BAG4: variants seen among roughly 807,000 people sequenced by gnomAD.
The protein encoded by BAG4 is BAG family molecular chaperone regulator 4.
BAG4 carries 28 observed loss-of-function variants against 52.1 expected under a neutral mutation model. That is an observed-to-expected ratio of 0.54 (90% CI 0.40 to 0.74). The LOEUF (loss-of-function observed/expected upper bound fraction) is 0.74. Ranked by LOEUF, BAG4 falls within the 30% of genes least tolerant of loss-of-function variation. The pLI is 0.00. For synonymous variants in BAG4, 208 were observed against 217.0 expected (o/e 0.96, Z 0.37); for missense variants, 525 against 572.0 (o/e 0.92, Z 0.84).
intron 2 of BAG4, among the ~76,000 whole-genome samples, chr8:38,197,664 A>T (rs1170398304): frequency 3.3e-5 from 5 of 152,168 alleles, no homozygotes; most frequent in Non-Finnish European, 7.3e-5. Flanking sequence ...TTCTTCAATA[A>T]ATACTGTAAC....
At chr8:38,196,516 G>A (rs772377708) in intron 2 of BAG4, among the ~76,000 whole-genome samples, 1 of 152,062 alleles carries the variant, frequency 6.6e-6, no homozygotes, top group Non-Finnish European at 1.5e-5. Flanking sequence ...AGCCGGGCGT[G>A]GTGGCGGGCA....
chr8:38,205,959 A>G (rs1563285185), intron 2 of BAG4, among the ~76,000 whole-genome samples: 2 of 147,340 alleles, frequency 1.4e-5, no homozygotes, highest in Non-Finnish European at 3.0e-5. Context: ...GTTTGACTAT[A>G]TTCCTGAGGC....
chr8:38,205,741 G>T (rs1003552740), intron 2 of BAG4, among the ~76,000 whole-genome samples: 1 of 152,002 alleles, frequency 6.6e-6, no homozygotes, highest in Non-Finnish European at 1.5e-5. Flanking sequence ...GAATTCTTTG[G>T]TCATGGGTAT....
chr8:38,176,862 C>T lies in BAG4; in HGVS notation c.-8C>T, dbSNP rs1237379630. On this transcript the variant is annotated 5_prime_UTR_variant, in exon 1 of 5. Transcript: ENST00000287322. ...CGGGGCGGGAAGCGCTTCAGGGCAG[C>T]GGATCCCATGTCGGCCCTGAGGCGC... 5.3e-6 allele frequency: 8 copies of T among 1,497,018 alleles called. No homozygotes were observed. Among genetic ancestry groups the T allele is most frequent in the East Asian group, 5.1e-5 (2 of 39,274 alleles). The allele number at this position is 1,497,018 out of a possible 1,614,324, so 92.7% of individuals were successfully genotyped here.
intron 2 of BAG4, chr8:38,201,936 T>C (rs190824812): frequency 9.9e-4 from 135 of 136,348 alleles, no homozygotes; most frequent in African/African-American, 3.4e-3. Context: ...TGCTAAGGTG[T>C]CTGACCAATC....
chr8:38,181,886 C>CAAAAAAAAAAAAA (rs34268146), intron 1 of BAG4, among the ~76,000 whole-genome samples: 1 of 37,246 alleles, frequency 2.7e-5, no homozygotes. Context: ...GAGACTATCT[C>CAAAAAAAAAAAAA]AAAAAAAAAA....
At chr8:38,178,087 A>G (rs1563277933) in intron 1 of BAG4, among the ~76,000 whole-genome samples, 1 of 152,156 alleles carries the variant, frequency 6.6e-6, no homozygotes, top group Non-Finnish European at 1.5e-5. Context: ...GTATGTTCAC[A>G]TAAAGCTTGT....
chr8:38,180,522 CAAAA>C (rs1161178024), intron 1 of BAG4, among the ~76,000 whole-genome samples: 269 of 26,474 alleles, frequency 0.01, 2 homozygotes, highest in African/African-American at 0.034. Context: ...GACTCCGTCT[CAAAA>C]AAAAAAAAAA....
intron 2 of BAG4, among the ~76,000 whole-genome samples, chr8:38,194,226 G>C (rs1044533181): frequency 6.6e-6 from 1 of 151,818 alleles, no homozygotes; most frequent in African/African-American, 2.4e-5. Flanking sequence ...ACTTGCCTGT[G>C]TATCCATAAA....
intron 1 of BAG4, among the ~76,000 whole-genome samples, chr8:38,178,211 A>C (rs1402797541): frequency 6.7e-6 from 1 of 148,644 alleles, no homozygotes; most frequent in African/African-American, 2.5e-5. Context: ...GCTGGAGTGC[A>C]GTGGTGCCAT....
In BAG4 at chr8:38,210,423, G is replaced by A; in HGVS notation, c.1304G>A (p.Arg435Gln). 1.9e-6 allele frequency: 3 copies of A among 1,608,882 alleles called. No individual in the cohort carries two copies. Among genetic ancestry groups the A allele is most frequent in the Non-Finnish European group, 2.5e-6 (3 of 1,178,720 alleles). ...GAAACTGGGGGCCAGGACTCTGTAC[G>A]GCAGGCCAGAAAAGAGGCTGTTTGT... Reference protein sequence around the residue: ...SVETGGQDSVRQARKEAVCKI... With the variant: ...SVETGGQDSVQQARKEAVCKI... The change falls in exon 5 of 5, where the codon CGG becomes CAG. Residue 435 changes from arginine to glutamine, a missense_variant. Transcript: ENST00000287322.
At chr8:38,200,591 ATTTTCTTT>A (rs2130683564) in intron 2 of BAG4, among the ~76,000 whole-genome samples, 1 of 150,094 alleles carries the variant, frequency 6.7e-6, no homozygotes, top group African/African-American at 2.5e-5. Context: ...GGCAGCTGAG[ATTTTCTTT>A]TTTTCTTTTT....
intron 2 of BAG4, among the ~76,000 whole-genome samples, chr8:38,205,921 C>CTT (rs869059707): frequency 1.4e-5 from 2 of 138,364 alleles, no homozygotes; most frequent in Non-Finnish European, 1.6e-5. Context: ...TTAAAAATTA[C>CTT]TTTTTTTTTT....
At chr8:38,188,099 T>TAAAGA (rs1423605956) in intron 1 of BAG4, among the ~76,000 whole-genome samples, 1 of 142,982 alleles carries the variant, frequency 7.0e-6, no homozygotes, top group Non-Finnish European at 1.5e-5. Context: ...GAGTAACTGC[T>TAAAGA]AAAGAAAAAA....
rs533092575 is a variant in BAG4 at position 38,205,477 on chromosome 8, C to T, written c.379-2035C>T. Reference sequence around the variant, plus strand: ...TTTTGTGTGATTGTAAATAATGCTGCGATGAAGAACTTCATGTCTATAACT... The same window carrying T: ...TTTTGTGTGATTGTAAATAATGCTGTGATGAAGAACTTCATGTCTATAACT... On this transcript the variant is annotated intron_variant, in intron 2 of 4. Coordinates refer to ENST00000287322, the MANE Select transcript of BAG4 (RefSeq NM_004874.4). Among the ~76,000 whole-genome samples, 31 of 152,120 alleles carry T rather than the reference C, an allele frequency of 2.0e-4. 3 individuals carry two copies. In the South Asian group the frequency reaches 6.4e-3, roughly 32 times the overall value.
In BAG4 at chr8:38,211,527, T is replaced by G. The variant is rs1175130902; in HGVS notation, c.*1034T>G. On this transcript the variant is annotated 3_prime_UTR_variant, in exon 5 of 5. Coordinates refer to ENST00000287322, the MANE Select transcript of BAG4 (RefSeq NM_004874.4). Reference sequence around the variant, plus strand: ...TAAATATGATTACTTGGTAATATCATTCTCCATCTAAAATACTAGTTTCAC... The same window carrying G: ...TAAATATGATTACTTGGTAATATCAGTCTCCATCTAAAATACTAGTTTCAC... 6.6e-6 allele frequency: 1 copy of G among 152,072 alleles called. No homozygotes were observed. Among genetic ancestry groups the G allele is most frequent in the Non-Finnish European group, 1.5e-5 (1 of 67,970 alleles). The allele number at this position is 152,072 out of a possible 1,614,324, so 9.4% of individuals were successfully genotyped here.
intron 1 of BAG4, among the ~76,000 whole-genome samples, chr8:38,181,107 A>G (rs961245850): frequency 8.2e-6 from 1 of 121,274 alleles, no homozygotes; most frequent in Non-Finnish European, 1.8e-5. Flanking sequence ...CGCCCGGCCA[A>G]TTTTTTTGTA....
rs1803163552 is a variant in BAG4 at position 38,176,883 on chromosome 8, G to A, written c.14G>A (p.Arg5Lys). MSAL[R>K]RSGYGPSDGP... ...GCAGCGGATCCCATGTCGGCCCTGAGGCGCTCGGGCTACGGCCCCAGTGAC... is the reference window on the plus strand; with the variant it reads ...GCAGCGGATCCCATGTCGGCCCTGAAGCGCTCGGGCTACGGCCCCAGTGAC... Residue 5 changes from arginine to lysine, a missense_variant, in exon 1 of 5, where the codon AGG (arginine) becomes AAG (lysine). By Grantham distance (26) the Arg-to-Lys change is conservative. Around this residue, in one of 2 missense-constraint regions of BAG4, gnomAD observed 287 missense variants for 266.1 expected, o/e 1.08. Coordinates refer to ENST00000287322, the MANE Select transcript of BAG4 (RefSeq NM_004874.4). 6.5e-7 allele frequency: 1 copy of A among 1,540,332 alleles called. No individual in the cohort carries two copies. Among genetic ancestry groups the A allele is most frequent in the South Asian group, 1.2e-5 (1 of 83,070 alleles).
chr8:38,191,587 G>A (rs971150314), intron 1 of BAG4, among the ~76,000 whole-genome samples: 6 of 151,724 alleles, frequency 4.0e-5, no homozygotes, highest in African/African-American at 9.7e-5. Flanking sequence ...AGTGAAACCC[G>A]GTCTCTACTA....
Sources: gnomAD v4.1 joint callset for allele counts (sites outside exome capture counted in the v4.1 genomes callset) on GRCh38, gnomAD v4.1.1 for gene constraint, gnomAD v4.1.1 regional missense constraint, MANE v1.5 for transcripts, NCBI Gene and HGNC (gene_info 2026-07-23, HGNC 2026-07-21) for gene names.